DNAH12: variants seen among roughly 807,000 people sequenced by gnomAD.
DNAH12 encodes axonemal beta dynein heavy chain 12.
Under a neutral mutation model 371.5 loss-of-function variants are expected in DNAH12, and 285 were observed. The observed-to-expected ratio is 0.77, with a 90% confidence interval of 0.70 to 0.85. The LOEUF is 0.85. Among genes scored for constraint, DNAH12 ranks in the 40% least tolerant of loss-of-function variants. DNAH12 has a pLI of 0.00. For synonymous variants in DNAH12, 1,200 were observed against 1,213.0 expected, an observed-to-expected ratio of 0.99 and a Z score of 0.22; for missense variants, 3,611 against 3,689.4, an observed-to-expected ratio of 0.98 and a Z score of 0.55.
intron 43 of DNAH12, among the ~76,000 whole-genome samples, chr3:57,402,198 C>A (rs2063892242): frequency 6.6e-6 from 1 of 152,112 alleles, no homozygotes; most frequent in African/African-American, 2.4e-5. Context: ...TGGATTCTAC[C>A]ATTTCCGCCT....
intron 23 of DNAH12, among the ~76,000 whole-genome samples, 185 bp downstream of exon 23, chr3:57,454,590 C>T (rs1031508912): frequency 2.6e-5 from 4 of 152,084 alleles, no homozygotes; most frequent in African/African-American, 9.7e-5. Context: ...TAGGATGGGG[C>T]CAGGCACAGT....
At chr3:57,307,775 G>A (rs2061502226) in intron 69 of DNAH12, among the ~76,000 whole-genome samples, 1 of 151,978 alleles carries the variant, frequency 6.6e-6, no homozygotes, top group Non-Finnish European at 1.5e-5. Flanking sequence ...CCCCATAACT[G>A]TATCTCTCTG....
intron 4 of DNAH12, among the ~76,000 whole-genome samples, chr3:57,512,956 G>C (rs931062413): frequency 6.6e-6 from 1 of 152,000 alleles, no homozygotes; most frequent in African/African-American, 2.4e-5. Context: ...GGTCAAGATG[G>C]TGAAACCCCG....
At chr3:57,342,484 C>CAAAAAACA (rs2062425145) in intron 60 of DNAH12, among the ~76,000 whole-genome samples, 1 of 66,038 alleles carries the variant, frequency 1.5e-5, no homozygotes, top group African/African-American at 5.7e-5. Flanking sequence ...ACTAAAAATA[C>CAAAAAACA]AAAAAAAAAA....
intron 25 of DNAH12, among the ~76,000 whole-genome samples, chr3:57,448,559 T>G (rs938308561): frequency 6.6e-6 from 1 of 152,200 alleles, no homozygotes; most frequent in African/African-American, 2.4e-5. Flanking sequence ...AGTAGCAAGA[T>G]TTATTGCAAA....
At chr3:57,545,319 C>T (rs77905501), upstream of DNAH12, among the ~76,000 whole-genome samples, 16 of 116,406 alleles carry the variant, frequency 1.4e-4, no homozygotes, top group Non-Finnish European at 1.5e-4. Flanking sequence ...AATTTTTTTT[C>T]TTTTCTTTTT....
chr3:57,433,978 A>T (rs994265321), intron 30 of DNAH12, 150 bp from the exon 31 acceptor site: 5 of 640,126 alleles, frequency 7.8e-6, no homozygotes, highest in Non-Finnish European at 1.2e-5. Context: ...AACATATTTA[A>T]TTTCTGAACT....
chr3:57,514,291 G>A (rs944637747), intron 4 of DNAH12, among the ~76,000 whole-genome samples: 1 of 151,814 alleles, frequency 6.6e-6, no homozygotes, highest in Non-Finnish European at 1.5e-5. Context: ...CTACTTGGGA[G>A]GCTGAGGCAG....
Position 57,502,362 on chromosome 3 carries a change from G to C in DNAH12, c.1204C>G (p.Arg402Gly), listed in dbSNP as rs115213778. The stretch of plus-strand genomic sequence containing the variant: ...TGCTTTCTTGCACCTTCTAAGTTCC[G>C]ATGTACTGCTGCCTTCAGTGTATCA... ...AVDTLKAAVHRNLEGARKHYE... is the reference protein window; with the variant it reads ...AVDTLKAAVHGNLEGARKHYE... Residue 402 changes from arginine to glycine, a missense_variant, in exon 10 of 74, where the codon CGG becomes GGG. Around this residue, in one of 3 missense-constraint regions of DNAH12, gnomAD observed 1,314 missense variants for 1,398.7 expected, o/e 0.94. Coordinates refer to ENST00000495027, the MANE Select transcript of DNAH12 (RefSeq NM_001366028.2). The C allele has an allele frequency of 1.2e-6, 2 of 1,614,074 alleles. No homozygotes were observed. Among genetic ancestry groups the C allele is most frequent in the South Asian group, 2.2e-5 (2 of 91,072 alleles).
At chr3:57,462,466 G>T (rs750428907) in intron 18 of DNAH12, among the ~76,000 whole-genome samples, 1 of 151,886 alleles carries the variant, frequency 6.6e-6, no homozygotes. Context: ...TGGCCAGGCT[G>T]GTCTCAAACT....
chr3:57,348,412 T>C (rs1310104332), intron 60 of DNAH12, among the ~76,000 whole-genome samples: 1 of 152,158 alleles, frequency 6.6e-6, no homozygotes, highest in Non-Finnish European at 1.5e-5. Context: ...GAAACTACAA[T>C]GATAGATATA....
At chr3:57,433,267 T>C in intron 32 of DNAH12, 100 bp downstream of exon 32, 1 of 1,334,302 alleles carries the variant, frequency 7.5e-7, no homozygotes, top group South Asian at 2.1e-5. Flanking sequence ...CATCCTTTAT[T>C]TTTGCATCCT....
chr3:57,374,347 A>G (rs1323933817), intron 55 of DNAH12, among the ~76,000 whole-genome samples: 2 of 152,204 alleles, frequency 1.3e-5, no homozygotes, highest in African/African-American at 2.4e-5. Context: ...CTATCACAGC[A>G]TATTTGAGAC....
chr3:57,454,211 C>T (rs913499684), intron 23 of DNAH12, among the ~76,000 whole-genome samples: 2 of 152,022 alleles, frequency 1.3e-5, no homozygotes, highest in Non-Finnish European at 2.9e-5. Flanking sequence ...CCAGGTGCAG[C>T]GGTTCATGCC....
chr3:57,300,352 GAA>G (rs946504815), intron 70 of DNAH12, among the ~76,000 whole-genome samples: 112 of 152,276 alleles, frequency 7.4e-4, no homozygotes, highest in African/African-American at 2.6e-3. Context: ...CCAAGAGAAA[GAA>G]AGATAATGAG....
chr3:57,403,444 A>G lies in DNAH12; in HGVS notation c.6813T>C (p.Asn2271=), dbSNP rs1553679805. 5 of 1,551,528 alleles carry G rather than the reference A, an allele frequency of 3.2e-6. No homozygotes were observed. The Admixed American group carries it at 7.8e-5, about 24-fold the overall frequency. ...ICRVLKQSGG[N]ALLVGLGGSG... is the part of the protein sequence containing the mutation. The stretch of plus-strand genomic sequence containing the variant: ...TTCCTCCAAGACCAACAAGCAAAGC[A>G]TTTCCACCAGATTGCTTTAGAACTC... Residue 2271 remains asparagine (N), a synonymous_variant, in exon 43 of 74, where the codon AAT becomes AAC. Coordinates refer to ENST00000495027, the MANE Select transcript of DNAH12 (RefSeq NM_001366028.2).
intron 35 of DNAH12, among the ~76,000 whole-genome samples, 196 bp from the exon 36 acceptor site, chr3:57,421,902 C>CTTTTTTATTTTT (rs2064595842): frequency 1.0e-5 from 1 of 98,548 alleles, no homozygotes; most frequent in Non-Finnish European, 2.0e-5. Context: ...GTTTGCATGT[C>CTTTTTTATTTTT]TTTTTTTTTT....
At chr3:57,429,897 G>A (rs770862080) in intron 32 of DNAH12, 123 bp from the exon 33 acceptor site, 16 of 805,002 alleles carry the variant, frequency 2.0e-5, no homozygotes, top group Non-Finnish European at 2.8e-5. Flanking sequence ...TAGAATGGAA[G>A]CCAGAAAATC....
At chr3:57,415,656 G>A (rs1233461772) in intron 37 of DNAH12, 92 bp from the exon 38 acceptor site, 12 of 1,252,936 alleles carry the variant, frequency 9.6e-6, no homozygotes, top group Admixed American at 6.9e-5. Context: ...GTGTACATAA[G>A]AATCAAATCA....
Sources: allele counts gnomAD v4.1 joint callset (sites outside exome capture counted in the v4.1 genomes callset), GRCh38; gene constraint gnomAD v4.1.1; regional missense constraint gnomAD v4.1.1; transcripts MANE v1.5; gene names NCBI Gene and HGNC (gene_info 2026-07-23, HGNC 2026-07-21).